PLCXD3: variants seen among roughly 807,000 people sequenced by gnomAD.
PLCXD3 encodes the protein phosphatidylinositol specific phospholipase C X domain containing 3.
Under a neutral mutation model 25.5 loss-of-function variants are expected in PLCXD3, and 19 were observed. The observed-to-expected ratio is 0.75, with a 90% CI of 0.52 to 1.09. PLCXD3 has a LOEUF of 1.09. PLCXD3 is among the 50% of genes least tolerant of loss of function. The pLI is 0.00. For missense variants in PLCXD3, 411 were observed against 388.1 expected, an observed-to-expected ratio of 1.06 and a Z score of -0.50; for synonymous variants, 174 against 137.6, an observed-to-expected ratio of 1.26 and a Z score of -1.85.
intron 1 of PLCXD3, among the ~76,000 whole-genome samples, chr5:41,403,092 G>T (rs1251057116): frequency 1.3e-5 from 2 of 151,552 alleles, no homozygotes; most frequent in Admixed American, 1.3e-4. Flanking sequence ...TCCTTCTTTG[G>T]GTTAGTTGAA....
At chr5:41,339,931 A>G (rs559394306) in intron 2 of PLCXD3, among the ~76,000 whole-genome samples, 2 of 152,300 alleles carry the variant, frequency 1.3e-5, no homozygotes, top group East Asian at 3.9e-4. Context: ...TTTATTCTAG[A>G]TGGAACAAAA....
chr5:41,472,854 C>T (rs1304524793), intron 1 of PLCXD3, among the ~76,000 whole-genome samples: 3 of 152,116 alleles, frequency 2.0e-5, no homozygotes, highest in Non-Finnish European at 2.9e-5. Flanking sequence ...TAAGTTATAG[C>T]TCCAATGTAA....
At chr5:41,415,950 T>C (rs1027618198) in intron 1 of PLCXD3, among the ~76,000 whole-genome samples, 3 of 152,150 alleles carry the variant, frequency 2.0e-5, no homozygotes, top group African/African-American at 7.2e-5. Context: ...AACAGGTAAC[T>C]GTGGCCACTC....
chr5:41,445,063 GA>G (rs1442579188), intron 1 of PLCXD3, among the ~76,000 whole-genome samples: 3 of 152,140 alleles, frequency 2.0e-5, no homozygotes, highest in African/African-American at 7.2e-5. Context: ...CACAGCTCCA[GA>G]AAAAATAATT....
At chr5:41,483,341 A>C (rs1236065747) in intron 1 of PLCXD3, among the ~76,000 whole-genome samples, 1 of 152,176 alleles carries the variant, frequency 6.6e-6, no homozygotes, top group Non-Finnish European at 1.5e-5. Context: ...TAAGCAGGAA[A>C]GAATATTGGA....
intron 2 of PLCXD3, among the ~76,000 whole-genome samples, chr5:41,370,479 C>T (rs1486348296): frequency 1.3e-5 from 2 of 152,180 alleles, no homozygotes; most frequent in East Asian, 1.9e-4. Context: ...GCTGATATCT[C>T]ATTGCCTAGA....
At chr5:41,504,299 G>A (rs981649081) in intron 1 of PLCXD3, among the ~76,000 whole-genome samples, 6 of 152,154 alleles carry the variant, frequency 3.9e-5, no homozygotes, top group Non-Finnish European at 8.8e-5. Context: ...AAACACATAG[G>A]TGCAGATGCA....
intron 2 of PLCXD3, among the ~76,000 whole-genome samples, chr5:41,378,371 A>C (rs1278612417): frequency 6.6e-6 from 1 of 152,160 alleles, no homozygotes; most frequent in Non-Finnish European, 1.5e-5. Context: ...GGAGAGTGCC[A>C]GCACATCTAT....
chr5:41,345,222 C>A (rs972417989), intron 2 of PLCXD3, among the ~76,000 whole-genome samples: 12 of 152,140 alleles, frequency 7.9e-5, no homozygotes, highest in African/African-American at 2.7e-4. Context: ...ATGTCTTTGG[C>A]TAAATCTAAC....
At chr5:41,407,273 T>C (rs1263362326) in intron 1 of PLCXD3, among the ~76,000 whole-genome samples, 1 of 152,184 alleles carries the variant, frequency 6.6e-6, no homozygotes, top group Non-Finnish European at 1.5e-5. Context: ...TCTTGGTATG[T>C]AACTGAGGAG....
intron 1 of PLCXD3, among the ~76,000 whole-genome samples, chr5:41,440,865 G>A (rs138544085): frequency 7.8e-4 from 119 of 152,258 alleles, no homozygotes; most frequent in African/African-American, 2.8e-3. Context: ...TTCAACAAGT[G>A]CAGTTGTGAC....
intron 1 of PLCXD3, among the ~76,000 whole-genome samples, chr5:41,393,248 G>A (rs1018647209): frequency 1.1e-4 from 17 of 152,044 alleles, no homozygotes; most frequent in African/African-American, 3.9e-4. Context: ...AACCCAAAGA[G>A]GACTACCTCA....
At chr5:41,383,016 C>T (rs1745520308) in intron 1 of PLCXD3, among the ~76,000 whole-genome samples, 1 of 151,968 alleles carries the variant, frequency 6.6e-6, no homozygotes, top group African/African-American at 2.4e-5. Context: ...GAAGTGTTAC[C>T]TCATTCACTT....
rs1745497399 is a variant in PLCXD3 at position 41,382,397 on chromosome 5, T to C, written c.241A>G (p.Thr81Ala). The change falls in exon 2 of 3, where the codon ACA (threonine) becomes GCA (alanine). Residue 81 changes from threonine to alanine, a missense_variant. Physicochemically the swap from Thr to Ala is moderately conservative, Grantham distance 58 (BLOSUM62 0). Transcript: ENST00000377801. ...KLMRKWLATQTMNFTGQLGAG... is the reference protein window; with the variant it reads ...KLMRKWLATQAMNFTGQLGAG... Reference sequence around the variant, plus strand: ...CCTAGCTGGCCAGTAAAATTCATTGTCTGAGTGGCTAACCATTTCCGCATG... The same window carrying C: ...CCTAGCTGGCCAGTAAAATTCATTGCCTGAGTGGCTAACCATTTCCGCATG... 1.1e-5 allele frequency: 17 copies of C among 1,613,576 alleles called. No individual in the cohort carries two copies. In the East Asian group the frequency reaches 3.8e-4, roughly 36 times the overall value.
At chr5:41,440,357 C>T (rs765986575) in intron 1 of PLCXD3, among the ~76,000 whole-genome samples, 5 of 150,076 alleles carry the variant, frequency 3.3e-5, no homozygotes, top group East Asian at 2.0e-4. Context: ...CTCAGCCTCC[C>T]GAGTAGTTGG....
In PLCXD3 at chr5:41,313,650, G is replaced by A. The variant is rs765116662; in HGVS notation, c.933C>T (p.Asn311=). ...TGGCTTCTCCTTCATCAAAGACATAGTTGAGCTTTATGACAGTGCTGATAA... is the reference window on the plus strand; with the variant it reads ...TGGCTTCTCCTTCATCAAAGACATAATTGAGCTTTATGACAGTGCTGATAA... ...GDFISTVIKL[N]YVFDEGEANT Residue 311 remains asparagine (N), a synonymous_variant, in exon 3 of 3, where the codon AAC becomes AAT. Coordinates refer to ENST00000377801, the MANE Select transcript of PLCXD3 (RefSeq NM_001005473.3). The A allele has an allele frequency of 1.2e-6, 2 of 1,613,830 alleles. No individual in the cohort carries two copies. The highest frequency in any genetic ancestry group is 2.2e-5 in the South Asian group (2 of 91,076).
intron 1 of PLCXD3, among the ~76,000 whole-genome samples, chr5:41,474,545 C>T (rs539362236): frequency 2.6e-5 from 4 of 152,212 alleles, no homozygotes; most frequent in South Asian, 4.1e-4. Context: ...TCAATTTGTA[C>T]GGTACAGGTG....
At chr5:41,503,284 G>T (rs1748991866) in intron 1 of PLCXD3, among the ~76,000 whole-genome samples, 1 of 152,120 alleles carries the variant, frequency 6.6e-6, no homozygotes, top group South Asian at 2.1e-4. Flanking sequence ...TTTTTCAAGT[G>T]AATGAAGGAA....
intron 1 of PLCXD3, among the ~76,000 whole-genome samples, chr5:41,411,099 G>A (rs1207333163): frequency 6.6e-6 from 1 of 152,094 alleles, no homozygotes; most frequent in East Asian, 1.9e-4. Flanking sequence ...ACTCGATTGT[G>A]TTTTCCCTCT....
Sources: allele counts gnomAD v4.1 joint callset (sites outside exome capture counted in the v4.1 genomes callset), GRCh38; gene constraint gnomAD v4.1.1; transcripts MANE v1.5; gene names NCBI Gene and HGNC (gene_info 2026-07-23, HGNC 2026-07-21).